XPR1: variants seen among roughly 807,000 people sequenced by gnomAD.
XPR1 encodes the protein xenotropic and polytropic retrovirus receptor 1.
A neutral mutation model predicts 87.5 loss-of-function variants in XPR1; 28 were observed. The ratio of observed to expected loss-of-function variants is 0.32; its 90% CI spans 0.24 to 0.44. XPR1 has a LOEUF of 0.44. Among genes scored for constraint, XPR1 ranks in the 20% least tolerant of loss-of-function variants. XPR1 has a pLI of 1.00. For missense variants in XPR1, 559 were observed against 862.3 expected, an observed-to-expected ratio of 0.65 and a Z score of 4.41; for synonymous variants, 300 against 306.1, an observed-to-expected ratio of 0.98 and a Z score of 0.21.
chr1:180,733,722 G>A (rs1421592036), intron 2 of XPR1, among the ~76,000 whole-genome samples: 13 of 152,274 alleles, frequency 8.5e-5, no homozygotes, highest in Non-Finnish European at 7.4e-5. Flanking sequence ...TCGGGAAGAC[G>A]GGATTTTATT....
chr1:180,683,619 C>A (rs1656663714), intron 2 of XPR1, among the ~76,000 whole-genome samples: 1 of 152,142 alleles, frequency 6.6e-6, no homozygotes. Context: ...ACATCCTCTC[C>A]AGCACCTGTT....
chr1:180,792,977 A>G (rs1461290533), intron 3 of XPR1, among the ~76,000 whole-genome samples: 3 of 152,034 alleles, frequency 2.0e-5, no homozygotes, highest in Non-Finnish European at 4.4e-5. Context: ...ATTGGCTGGA[A>G]TTTTGAAATA....
chr1:180,765,490 A>G (rs1210025946), intron 2 of XPR1, among the ~76,000 whole-genome samples: 3 of 152,150 alleles, frequency 2.0e-5, no homozygotes, highest in African/African-American at 4.8e-5. Flanking sequence ...TCCATCTACA[A>G]CTACTTTCAA....
intron 11 of XPR1, among the ~76,000 whole-genome samples, chr1:180,838,841 A>G (rs914439586): frequency 2.0e-5 from 3 of 152,206 alleles, no homozygotes; most frequent in African/African-American, 7.2e-5. Context: ...AAACATGTAA[A>G]TTGAAATTAA....
chr1:180,861,272 A>ATAAGC (rs1553254389), intron 11 of XPR1, among the ~76,000 whole-genome samples: 1 of 152,074 alleles, frequency 6.6e-6, no homozygotes, highest in African/African-American at 2.4e-5. Context: ...GTAAATATAA[A>ATAAGC]TAAGTTCCTT....
At chr1:180,784,997 TC>T (rs960494228) in intron 2 of XPR1, among the ~76,000 whole-genome samples, 17 of 88,996 alleles carry the variant, frequency 1.9e-4, no homozygotes, top group East Asian at 5.3e-4. Context: ...TTAGTTTTTT[TC>T]GTGTGTGTGT....
intron 2 of XPR1, among the ~76,000 whole-genome samples, chr1:180,770,681 C>T (rs1571821117): frequency 1.3e-5 from 2 of 152,166 alleles, no homozygotes; most frequent in South Asian, 2.1e-4. Flanking sequence ...GTCTCTTCAA[C>T]CTCAACTAAA....
intron 2 of XPR1, among the ~76,000 whole-genome samples, chr1:180,787,203 G>A (rs1399666719): frequency 6.6e-6 from 1 of 150,738 alleles, no homozygotes. Context: ...CTCCAACATT[G>A]TAAATTTATT....
chr1:180,771,202 A>T (rs1036347563), intron 2 of XPR1, among the ~76,000 whole-genome samples: 1 of 152,200 alleles, frequency 6.6e-6, no homozygotes, highest in African/African-American at 2.4e-5. Context: ...TTTAAGATTC[A>T]TTATTACCCT....
intron 3 of XPR1, among the ~76,000 whole-genome samples, chr1:180,798,884 G>T (rs1392069161): frequency 6.6e-6 from 1 of 152,176 alleles, no homozygotes; most frequent in Non-Finnish European, 1.5e-5. Context: ...AGAGTGTTGG[G>T]ATTACAGGTG....
chr1:180,691,780 G>A (rs964210951), intron 2 of XPR1, among the ~76,000 whole-genome samples: 4 of 152,072 alleles, frequency 2.6e-5, no homozygotes, highest in East Asian at 1.9e-4. Flanking sequence ...CTTATTATAC[G>A]CTTCAATGGA....
intron 12 of XPR1, among the ~76,000 whole-genome samples, chr1:180,864,104 TA>T (rs1652306160): frequency 6.6e-6 from 1 of 152,146 alleles, no homozygotes. Context: ...AGGAAAGCCA[TA>T]AACTATGTTC....
At chr1:180,834,499 T>C (rs918850999) in intron 9 of XPR1, among the ~76,000 whole-genome samples, 1 of 152,242 alleles carries the variant, frequency 6.6e-6, no homozygotes, top group Non-Finnish European at 1.5e-5. Flanking sequence ...GAAAAGTCAG[T>C]ATGAATATGG....
At chr1:180,751,109 C>T (rs1647518904) in intron 2 of XPR1, among the ~76,000 whole-genome samples, 1 of 151,924 alleles carries the variant, frequency 6.6e-6, no homozygotes, top group African/African-American at 2.4e-5. Context: ...TTGTCTTTAA[C>T]CTGAAACCTA....
At chr1:180,801,216 C>T (rs1649770528) in intron 3 of XPR1, among the ~76,000 whole-genome samples, 1 of 152,206 alleles carries the variant, frequency 6.6e-6, no homozygotes, top group African/African-American at 2.4e-5. Context: ...ATGGCCATTC[C>T]TGGCCTTCAC....
At chr1:180,743,655 T>C (rs1418327841) in intron 2 of XPR1, among the ~76,000 whole-genome samples, 4 of 152,152 alleles carry the variant, frequency 2.6e-5, no homozygotes, top group Non-Finnish European at 5.9e-5. Flanking sequence ...GAAATTCCTT[T>C]AACAATTTTT....
chr1:180,879,093 C>T (rs184231168), intron 13 of XPR1, among the ~76,000 whole-genome samples: 49 of 152,324 alleles, frequency 3.2e-4, no homozygotes, highest in Non-Finnish European at 6.2e-4. Context: ...ATGGTGTCAC[C>T]TTTCCCTTAG....
intron 2 of XPR1, among the ~76,000 whole-genome samples, chr1:180,698,553 A>G (rs924735277): frequency 1.3e-5 from 2 of 152,082 alleles, no homozygotes; most frequent in Non-Finnish European, 2.9e-5. Context: ...TGTAGTGACA[A>G]CATTTGTCTC....
intron 1 of XPR1, among the ~76,000 whole-genome samples, chr1:180,656,639 TATA>T (rs1054874825): frequency 6.5e-5 from 7 of 108,288 alleles, no homozygotes; most frequent in African/African-American, 2.2e-4. Flanking sequence ...GTATGTATAA[TATA>T]TTATTATATA....
Sources: allele counts gnomAD v4.1 joint callset (sites outside exome capture counted in the v4.1 genomes callset), GRCh38; gene constraint gnomAD v4.1.1; transcripts MANE v1.5; gene names NCBI Gene and HGNC (gene_info 2026-07-23, HGNC 2026-07-21).